The following MIPOL1 variants were observed in gnomAD, a reference collection of about 807,000 sequenced individuals.
The protein encoded by MIPOL1 is mirror-image polydactyly gene 1 protein.
Under a neutral mutation model 60.9 loss-of-function variants are expected in MIPOL1, and 57 were observed. The ratio of observed to expected loss-of-function variants is 0.94; its 90% CI spans 0.76 to 1.17. The LOEUF (loss-of-function observed/expected upper bound fraction) is 1.17, where lower values mean the gene tolerates loss of function less well. Among genes scored for constraint, MIPOL1 ranks in the 50% most tolerant of loss-of-function variants. The pLI, the probability that MIPOL1 is intolerant of heterozygous loss-of-function variation, is 0.00. For missense variants in MIPOL1, 551 were observed against 511.6 expected, an observed-to-expected ratio of 1.08 and a Z score of -0.74; for synonymous variants, 179 against 168.8, an observed-to-expected ratio of 1.06 and a Z score of -0.47.
chr14:37,353,860 C>A (rs1289118748), intron 9 of MIPOL1, among the ~76,000 whole-genome samples: 1 of 152,128 alleles, frequency 6.6e-6, no homozygotes, highest in African/African-American at 2.4e-5. Context: ...AAAACCAGCT[C>A]CTGGATTCAT....
intron 9 of MIPOL1, among the ~76,000 whole-genome samples, chr14:37,362,148 C>G (rs182736415): frequency 6.6e-6 from 1 of 152,110 alleles, no homozygotes; most frequent in Non-Finnish European, 1.5e-5. Context: ...ATGATCCTGT[C>G]ATTATGATGT....
chr14:37,202,073 C>G (rs1341829092), intron 1 of MIPOL1, among the ~76,000 whole-genome samples: 1 of 152,114 alleles, frequency 6.6e-6, no homozygotes, highest in Non-Finnish European at 1.5e-5. Context: ...GGCCTCAGGT[C>G]CTCCTGCCTC....
intron 10 of MIPOL1, among the ~76,000 whole-genome samples, chr14:37,415,438 C>T (rs1210276305): frequency 6.6e-6 from 1 of 151,550 alleles, no homozygotes; most frequent in East Asian, 2.0e-4. Flanking sequence ...CTGGCTAACA[C>T]GGTGAAACCC....
rs115824478 is a variant in MIPOL1, at chr14:37,226,271, G to C, written c.-198-20832G>C. On this transcript the variant is annotated intron_variant, in intron 1 of 12. Transcript: ENST00000684589. Reference sequence around the variant, plus strand: ...CCCACTCTGCTGGTAGTAATTTGCTGTATTAGTCTGCTTTCATGCTGCTGA... The same window carrying C: ...CCCACTCTGCTGGTAGTAATTTGCTCTATTAGTCTGCTTTCATGCTGCTGA... Among the ~76,000 whole-genome samples the C allele has an allele frequency of 9.2e-3, 1,405 of 152,274 alleles. 23 individuals are homozygous for C. The highest frequency in any genetic ancestry group is 0.033 in the African/African-American group (1,368 of 41,554).
chr14:37,276,020 C>T (rs1206891107), intron 6 of MIPOL1, among the ~76,000 whole-genome samples: 1 of 151,120 alleles, frequency 6.6e-6, no homozygotes, highest in Non-Finnish European at 1.5e-5. Context: ...GATCCTCTTC[C>T]AATTAAACTG....
intron 9 of MIPOL1, among the ~76,000 whole-genome samples, chr14:37,334,020 A>G (rs950452307): frequency 1.3e-5 from 2 of 152,074 alleles, no homozygotes; most frequent in African/African-American, 4.8e-5. Flanking sequence ...TGAATGAGAA[A>G]TTAACTAGAA....
chr14:37,237,601 T>A (rs1375464146), intron 1 of MIPOL1, among the ~76,000 whole-genome samples: 2 of 152,174 alleles, frequency 1.3e-5, no homozygotes, highest in Admixed American at 6.5e-5. Flanking sequence ...CCTTTGACTT[T>A]TTAAAAAAAG....
In MIPOL1 at chr14:37,220,423, A is replaced by T. The variant is rs1968552566; in HGVS notation, c.-199+22319A>T. ...TAATTAGTACTTTAATACTTTTATT[A>T]TCTTTTAAGTTTAATGTAAATTGAA... On this transcript the variant is annotated intron_variant, in intron 1 of 12. Transcript: ENST00000684589. Among the ~76,000 whole-genome samples, 4 of 152,298 alleles carry T rather than the reference A, an allele frequency of 2.6e-5. No homozygotes were observed. In the South Asian group the frequency reaches 8.3e-4, roughly 32 times the overall value.
intron 1 of MIPOL1, among the ~76,000 whole-genome samples, chr14:37,237,354 G>A (rs1011178434): frequency 6.6e-6 from 1 of 152,138 alleles, no homozygotes; most frequent in African/African-American, 2.4e-5. Flanking sequence ...CACTGCACCA[G>A]GTAGGGGATG....
chr14:37,486,404 C>G (rs1014708962), intron 11 of MIPOL1, among the ~76,000 whole-genome samples: 2 of 152,038 alleles, frequency 1.3e-5, no homozygotes, highest in African/African-American at 4.8e-5. Flanking sequence ...AGCATTGAAT[C>G]TGTGAATTAC....
rs1366835647 is a variant in MIPOL1 at position 37,548,730 on chromosome 14, T to C, written c.*1759T>C. 6.6e-6 allele frequency: 1 copy of C among 151,992 alleles called. No homozygotes were observed. The highest frequency in any genetic ancestry group is 1.5e-5 in the Non-Finnish European group (1 of 67,864). The allele number at this position is 151,992 out of a possible 1,614,324, so 9.4% of individuals were successfully genotyped here. A position where few individuals can be genotyped will look rare whatever the true frequency, so the allele number is the denominator to read the frequency against. On this transcript the variant is annotated 3_prime_UTR_variant, in exon 13 of 13. Transcript: ENST00000684589. The stretch of plus-strand genomic sequence containing the variant: ...ATCACAAGTAAATTTGAATTTTCGG[T>C]TTAATGTTGAAAGCAGATGAACTTT...
intron 11 of MIPOL1, among the ~76,000 whole-genome samples, chr14:37,459,028 GT>G (rs1342872457): frequency 1.8e-4 from 27 of 151,912 alleles, no homozygotes; most frequent in Non-Finnish European, 1.2e-4. Context: ...TAAGAGGAAA[GT>G]TTATAGCATT....
intron 3 of MIPOL1, chr14:37,265,316 T>A (rs1950884): frequency 0.53 from 81,098 of 151,952 alleles, 24,278 homozygotes; most frequent in Non-Finnish European, 0.66. Context: ...TTGTATGTAT[T>A]TGGCCTCCAT....
intron 11 of MIPOL1, among the ~76,000 whole-genome samples, chr14:37,499,122 A>G (rs1314781075): frequency 6.6e-6 from 1 of 152,126 alleles, no homozygotes; most frequent in Non-Finnish European, 1.5e-5. Context: ...TTATATTTTC[A>G]AAATGTCTTT....
intron 11 of MIPOL1, among the ~76,000 whole-genome samples, chr14:37,433,527 A>G (rs867260616): frequency 4.6e-5 from 7 of 152,034 alleles, no homozygotes; most frequent in African/African-American, 1.4e-4. Flanking sequence ...AGCTTCAACA[A>G]TGTCCCTGCA....
chr14:37,296,721 C>G (rs1183224719), intron 7 of MIPOL1, among the ~76,000 whole-genome samples: 8 of 152,128 alleles, frequency 5.3e-5, no homozygotes, highest in Non-Finnish European at 1.5e-5. Flanking sequence ...TGGATAAATT[C>G]CTGGACACAT....
chr14:37,404,663 T>C (rs557728767), intron 10 of MIPOL1, among the ~76,000 whole-genome samples: 1 of 152,326 alleles, frequency 6.6e-6, no homozygotes, highest in Admixed American at 6.5e-5. Flanking sequence ...TCTCTATTGC[T>C]TTGTAATGAT....
intron 12 of MIPOL1, among the ~76,000 whole-genome samples, chr14:37,511,597 A>G (rs1041464039): frequency 3.9e-5 from 6 of 152,326 alleles, no homozygotes; most frequent in South Asian, 2.1e-4. Context: ...TCTTTATGCT[A>G]TAGTTTCGTT....
intron 7 of MIPOL1, among the ~76,000 whole-genome samples, chr14:37,289,232 C>A (rs188165586): frequency 1.3e-5 from 2 of 152,190 alleles, no homozygotes; most frequent in African/African-American, 2.4e-5. Flanking sequence ...AACACAGAAG[C>A]CTTTTTTGGC....
Sources: gnomAD v4.1 joint callset for allele counts (sites outside exome capture counted in the v4.1 genomes callset) on GRCh38, gnomAD v4.1.1 for gene constraint, MANE v1.5 for transcripts, NCBI Gene and HGNC (gene_info 2026-07-23, HGNC 2026-07-21) for gene names.